Variants in LIN52 observed in about 807,000 individuals in gnomAD.
The protein encoded by LIN52 is lin-52 DREAM MuvB core complex component.
In LIN52, 4 loss-of-function variants were observed where a neutral mutation model predicts 18.5. That is an observed-to-expected ratio of 0.22 (90% confidence interval 0.11 to 0.49). LIN52 has a LOEUF of 0.49. LIN52 is among the 20% of genes least tolerant of loss of function. The pLI is 0.97. For missense variants in LIN52, 102 were observed against 139.5 expected, an observed-to-expected ratio of 0.73 and a Z score of 1.35; for synonymous variants, 34 against 45.5, an observed-to-expected ratio of 0.75 and a Z score of 1.02.
intron 5 of LIN52, among the ~76,000 whole-genome samples, chr14:74,108,191 C>A (rs1034859376): frequency 7.3e-5 from 11 of 151,564 alleles, no homozygotes; most frequent in African/African-American, 1.9e-4. Context: ...TATGCTATAG[C>A]ATGTATCAGT....
chr14:74,195,426 G>A (rs188523964), intron 5 of LIN52, among the ~76,000 whole-genome samples: 57 of 152,306 alleles, frequency 3.7e-4, no homozygotes, highest in African/African-American at 1.1e-3. Context: ...CTGTAAGCAG[G>A]CAGTAGTCAT....
intron 5 of LIN52, among the ~76,000 whole-genome samples, chr14:74,178,896 C>G (rs1350746350): frequency 6.6e-6 from 1 of 151,816 alleles, no homozygotes; most frequent in Non-Finnish European, 1.5e-5. Context: ...GCCTGGCCAA[C>G]ATAGTGAGAC....
intron 5 of LIN52, among the ~76,000 whole-genome samples, chr14:74,140,936 C>T (rs1029028360): frequency 2.0e-5 from 3 of 152,072 alleles, no homozygotes; most frequent in African/African-American, 7.2e-5. Flanking sequence ...GCGTTTTTCT[C>T]TTCTGTCCCC....
intron 5 of LIN52, among the ~76,000 whole-genome samples, chr14:74,109,642 A>G (rs1358817281): frequency 1.3e-5 from 2 of 152,188 alleles, no homozygotes; most frequent in Non-Finnish European, 2.9e-5. Flanking sequence ...ATGTTTTGCA[A>G]TTTTCAAAGC....
intron 5 of LIN52, among the ~76,000 whole-genome samples, chr14:74,197,546 T>C (rs576530354): frequency 1.1e-4 from 17 of 152,280 alleles, no homozygotes; most frequent in African/African-American, 4.1e-4. Flanking sequence ...GCAAGTCTTA[T>C]GGGAACTTTC....
chr14:74,178,157 T>C (rs1285595018), intron 5 of LIN52, among the ~76,000 whole-genome samples: 1 of 152,222 alleles, frequency 6.6e-6, no homozygotes, highest in Non-Finnish European at 1.5e-5. Flanking sequence ...AAAGAATCTA[T>C]ACACTTAAAA....
chr14:74,101,907 G>A (rs547119916), intron 5 of LIN52, among the ~76,000 whole-genome samples: 1 of 152,134 alleles, frequency 6.6e-6, no homozygotes, highest in Admixed American at 6.5e-5. Context: ...GAAGTAGCTG[G>A]GACTACAAGC....
chr14:74,119,981 G>A (rs1223063856), intron 5 of LIN52, among the ~76,000 whole-genome samples: 1 of 151,790 alleles, frequency 6.6e-6, no homozygotes, highest in Non-Finnish European at 1.5e-5. Flanking sequence ...AATTACAGGT[G>A]CACGCTACCA....
intron 5 of LIN52, among the ~76,000 whole-genome samples, chr14:74,194,916 G>A (rs2078900584): frequency 6.6e-6 from 1 of 152,198 alleles, no homozygotes; most frequent in African/African-American, 2.4e-5. Flanking sequence ...AGGCCAAGGC[G>A]GGCAGATCAA....
chr14:74,198,857 C>T (rs1041110484), intron 5 of LIN52, 65 bp from the exon 6 acceptor site: 21 of 1,179,354 alleles, frequency 1.8e-5, no homozygotes, highest in Non-Finnish European at 2.7e-5. Flanking sequence ...TAAATTAAAT[C>T]TTCCTATGAT....
At chr14:74,153,034 C>CT (rs1665579333) in intron 5 of LIN52, among the ~76,000 whole-genome samples, 1 of 150,072 alleles carries the variant, frequency 6.7e-6, no homozygotes, top group African/African-American at 2.5e-5. Flanking sequence ...ATGAAAGACA[C>CT]TGAGCCTTAG....
intron 5 of LIN52, among the ~76,000 whole-genome samples, chr14:74,187,358 GT>G (rs1566870411): frequency 6.6e-6 from 1 of 152,020 alleles, no homozygotes; most frequent in Non-Finnish European, 1.5e-5. Flanking sequence ...AGAGTAAATG[GT>G]TTTGATTCTC....
Position 74,143,772 on chromosome 14 carries a change from T to G in LIN52, c.283+42534T>G, listed in dbSNP as rs138274671. Among the ~76,000 whole-genome samples the G allele has an allele frequency of 6.1e-3, 935 of 152,284 alleles. 9 individuals carry two copies. Among genetic ancestry groups the G allele is most frequent in the African/African-American group, 0.022 (894 of 41,540 alleles). On this transcript the variant is annotated intron_variant, in intron 5 of 5. Coordinates refer to ENST00000555028, the MANE Select transcript of LIN52 (RefSeq NM_001024674.3). The stretch of plus-strand genomic sequence containing the variant: ...ATCTATTACCACATGCATTTATTAT[T>G]TCTTTGTGGTGAGAACATTCAAAAG...
At chr14:74,118,158 G>A (rs2060975880) in intron 5 of LIN52, among the ~76,000 whole-genome samples, 1 of 152,148 alleles carries the variant, frequency 6.6e-6, no homozygotes, top group Admixed American at 6.5e-5. Context: ...CTACTGGGGA[G>A]GCTGAGGTGG....
At position 74,098,515 on chromosome 14, in the gene LIN52, CA is replaced by C. The variant is rs949641485; in HGVS notation, c.199+669del. Among the ~76,000 whole-genome samples, 1,023 of 121,078 alleles carry C rather than the reference CA, an allele frequency of 8.4e-3. 5 individuals carry two copies. The highest frequency in any genetic ancestry group is 0.016 in the Admixed American group (189 of 11,736). 79.4% of individuals were successfully genotyped at this position (121,078 alleles called of 152,430 possible). ...TGGCTGACAGAGCAGGACTCTATCT[CA>C]AAAAAAAAAAAAAGTTAAAAAATTT... On this transcript the variant is annotated intron_variant, in intron 4 of 5. Coordinates refer to ENST00000555028, the MANE Select transcript of LIN52 (RefSeq NM_001024674.3).
intron 5 of LIN52, among the ~76,000 whole-genome samples, chr14:74,189,389 A>G (rs1327100384): frequency 6.6e-6 from 1 of 152,194 alleles, no homozygotes; most frequent in Non-Finnish European, 1.5e-5. Flanking sequence ...ATTGCCTTTC[A>G]TTCAATTGAG....
chr14:74,115,170 C>T (rs2060957085), intron 5 of LIN52, among the ~76,000 whole-genome samples: 1 of 152,202 alleles, frequency 6.6e-6, no homozygotes, highest in South Asian at 2.1e-4. Flanking sequence ...CTGCAATTTA[C>T]ATGCAATTGG....
At chr14:74,175,711 T>TACAC (rs35602442) in intron 5 of LIN52, among the ~76,000 whole-genome samples, 2,210 of 86,340 alleles carry the variant, frequency 0.026, 18 homozygotes, top group Admixed American at 0.03. Flanking sequence ...CACAGACACA[T>TACAC]ACACACACAC....
At chr14:74,098,630 C>A (rs1407566360) in intron 4 of LIN52, among the ~76,000 whole-genome samples, 1 of 151,634 alleles carries the variant, frequency 6.6e-6, no homozygotes, top group Middle Eastern at 3.2e-3. Context: ...TCACTGCAAC[C>A]TCCGCCTCCT....
Sources: gnomAD v4.1 joint callset for allele counts (sites outside exome capture counted in the v4.1 genomes callset) on GRCh38, gnomAD v4.1.1 for gene constraint, MANE v1.5 for transcripts, NCBI Gene and HGNC (gene_info 2026-07-23, HGNC 2026-07-21) for gene names.